Variants in SLC39A11 observed in about 807,000 individuals in gnomAD.
The protein encoded by SLC39A11 is solute carrier family 39 member 11.
Under a neutral mutation model 36.1 loss-of-function variants are expected in SLC39A11, and 33 were observed. The observed-to-expected ratio is 0.91, with a 90% CI of 0.69 to 1.22. The LOEUF (loss-of-function observed/expected upper bound fraction) is 1.22. Among genes scored for constraint, SLC39A11 ranks in the 50% most tolerant of loss-of-function variants. The probability of loss-of-function intolerance (pLI) is 0.00; values close to 1 mark genes in which losing one functional copy is unlikely to be tolerated. For missense variants in SLC39A11, 432 were observed against 430.3 expected, an observed-to-expected ratio of 1.00 and a Z score of -0.03; for synonymous variants, 166 against 170.3, an observed-to-expected ratio of 0.97 and a Z score of 0.20.
chr17:72,795,021 T>A (rs1022291796), intron 6 of SLC39A11, among the ~76,000 whole-genome samples: 1 of 152,152 alleles, frequency 6.6e-6, no homozygotes, highest in Non-Finnish European at 1.5e-5. Flanking sequence ...AGTCAAGTTA[T>A]CAGCCCAAAG....
intron 5 of SLC39A11, among the ~76,000 whole-genome samples, chr17:72,891,460 A>G (rs1326786609): frequency 6.6e-6 from 1 of 152,106 alleles, no homozygotes. Context: ...AATTCCTCAG[A>G]TCATCCTGTT....
chr17:72,897,497 G>A (rs184899637), intron 5 of SLC39A11, among the ~76,000 whole-genome samples: 6 of 152,342 alleles, frequency 3.9e-5, no homozygotes, highest in Non-Finnish European at 8.8e-5. Flanking sequence ...TTTGGGGCTT[G>A]AGATAAGTAG....
At chr17:72,966,158 C>T (rs934438078) in intron 4 of SLC39A11, among the ~76,000 whole-genome samples, 1 of 152,168 alleles carries the variant, frequency 6.6e-6, no homozygotes, top group African/African-American at 2.4e-5. Context: ...CCAAGGGAGG[C>T]GCAGGCTGGC....
At chr17:72,903,727 G>C (rs926400402) in intron 5 of SLC39A11, among the ~76,000 whole-genome samples, 1 of 152,184 alleles carries the variant, frequency 6.6e-6, no homozygotes, top group South Asian at 2.1e-4. Context: ...ATTTTTCAAA[G>C]TAATCGGGCT....
intron 7 of SLC39A11, among the ~76,000 whole-genome samples, chr17:72,674,543 C>T (rs1036079687): frequency 6.6e-6 from 1 of 152,096 alleles, no homozygotes; most frequent in African/African-American, 2.4e-5. Flanking sequence ...GGAGGTGTAT[C>T]TTTAGGGTAG....
At position 72,891,984 on chromosome 17, in the gene SLC39A11, A is replaced by T. The variant is rs897813464; in HGVS notation, c.431-42180T>A. On this transcript the variant is annotated intron_variant, in intron 5 of 9. Transcript: ENST00000255559. ...GTGTCCAGCACACAGTAGGTGCTCA[A>T]TAAAGATGTGCTGAATGAATACTAT... Among the ~76,000 whole-genome samples, 6 of 152,194 alleles carry T rather than the reference A, an allele frequency of 3.9e-5. No individual in the cohort carries two copies. In the South Asian group the frequency reaches 1.2e-3, roughly 32 times the overall value.
chr17:72,718,694 T>C (rs1189450436), intron 7 of SLC39A11, among the ~76,000 whole-genome samples: 2 of 152,184 alleles, frequency 1.3e-5, no homozygotes, highest in Non-Finnish European at 2.9e-5. Flanking sequence ...GAAAGTACAA[T>C]GGCAGCTGCC....
At chr17:73,078,962 C>T (rs776998651) in intron 3 of SLC39A11, among the ~76,000 whole-genome samples, 3 of 151,538 alleles carry the variant, frequency 2.0e-5, no homozygotes, top group Non-Finnish European at 4.4e-5. Context: ...CACACAAATG[C>T]ACCATAAGCA....
intron 6 of SLC39A11, among the ~76,000 whole-genome samples, chr17:72,804,803 C>T (rs2077199072): frequency 6.6e-6 from 1 of 152,080 alleles, no homozygotes; most frequent in Admixed American, 6.5e-5. Context: ...CAGCGGATCA[C>T]GAGGTCAGGG....
chr17:72,896,595 CAA>C (rs1434161445), intron 5 of SLC39A11, among the ~76,000 whole-genome samples: 1 of 152,054 alleles, frequency 6.6e-6, no homozygotes, highest in Non-Finnish European at 1.5e-5. Context: ...TGTTCTTCCT[CAA>C]AGAGTTCACA....
At chr17:72,844,569 C>T (rs1195465504) in intron 6 of SLC39A11, among the ~76,000 whole-genome samples, 5 of 152,014 alleles carry the variant, frequency 3.3e-5, no homozygotes, top group South Asian at 2.1e-4. Flanking sequence ...CTTGAGAGGC[C>T]GAGGCAGGAG....
intron 6 of SLC39A11, among the ~76,000 whole-genome samples, chr17:72,756,086 G>A (rs1178327685): frequency 6.6e-6 from 1 of 152,204 alleles, no homozygotes; most frequent in African/African-American, 2.4e-5. Flanking sequence ...TGGAACCCTT[G>A]AGCACTGTTG....
chr17:72,837,814 G>A (rs187431732), intron 6 of SLC39A11: 280 of 562,414 alleles, frequency 5.0e-4, no homozygotes, highest in Non-Finnish European at 5.2e-4. Flanking sequence ...ACATGATACC[G>A]TTTAAATGAA....
intron 6 of SLC39A11, among the ~76,000 whole-genome samples, chr17:72,783,465 C>A (rs2076394710): frequency 1.3e-5 from 2 of 152,320 alleles, no homozygotes; most frequent in Non-Finnish European, 2.9e-5. Flanking sequence ...ATTGAGATTA[C>A]AGCAAATAAT....
rs2083532299 is a variant in SLC39A11, at chr17:72,919,657, G to GGGAGAGTCCGTC, written c.430+28083_430+28094dup. Reference sequence around the variant, plus strand: ...ACCGCACTCCAGACTGGGCGACAGAGGGAGAGTCCGTCAAAAAAAAAAAAA... The same window carrying GGGAGAGTCCGTC: ...ACCGCACTCCAGACTGGGCGACAGAGGGAGAGTCCGTCGGAGAGTCCGTCAAAAAAAAAAAAA... On this transcript the variant is annotated intron_variant, in intron 5 of 9. Transcript: ENST00000255559. Among the ~76,000 whole-genome samples, 3 of 140,244 alleles carry GGGAGAGTCCGTC rather than the reference G, an allele frequency of 2.1e-5. No individual in the cohort carries two copies. The South Asian group carries it at 6.9e-4, about 32-fold the overall frequency. The allele number at this position is 140,244 out of a possible 152,430, so 92.0% of individuals were successfully genotyped here.
intron 4 of SLC39A11, 56 bp downstream of exon 4, chr17:73,031,500 A>G (rs74323364): frequency 0.084 from 132,741 of 1,582,270 alleles, 5,827 homozygotes; most frequent in Middle Eastern, 0.12. Context: ...AAATAAATTC[A>G]TTGCACAGAG....
At chr17:72,921,863 C>T (rs1218828129) in intron 5 of SLC39A11, among the ~76,000 whole-genome samples, 2 of 152,176 alleles carry the variant, frequency 1.3e-5, no homozygotes, top group East Asian at 1.9e-4. Flanking sequence ...AAGGCAAATG[C>T]TAATTTCAGA....
intron 6 of SLC39A11, among the ~76,000 whole-genome samples, chr17:72,754,576 GTATT>G (rs2075298714): frequency 6.6e-6 from 1 of 151,864 alleles, no homozygotes; most frequent in African/African-American, 2.4e-5. Flanking sequence ...GGTGCTGTGG[GTATT>G]TAGATTCCAC....
At chr17:72,781,466 C>A (rs2076317232) in intron 6 of SLC39A11, among the ~76,000 whole-genome samples, 1 of 151,720 alleles carries the variant, frequency 6.6e-6, no homozygotes, top group African/African-American at 2.4e-5. Context: ...CTCTATCGCC[C>A]AGGCTGGAGT....
Sources: gnomAD v4.1 joint callset for allele counts (sites outside exome capture counted in the v4.1 genomes callset) on GRCh38, gnomAD v4.1.1 for gene constraint, MANE v1.5 for transcripts, NCBI Gene and HGNC (gene_info 2026-07-23, HGNC 2026-07-21) for gene names.